Variants in ANKRD40CL observed in about 807,000 individuals in gnomAD.
ANKRD40CL encodes the protein putative ANKRD40 C-terminal-like protein.
For missense variants in ANKRD40CL, 11 were observed against 6.4 expected (o/e 1.71, Z -0.77); for synonymous variants, 5 against 2.3 (o/e 2.14, Z -1.04).
At chr17:50,765,126 T>C (rs1971275193) in intron 2 of ANKRD40CL, 1 of 152,196 alleles carries the variant, frequency 6.6e-6, no homozygotes, top group Admixed American at 6.5e-5. Context: ...TCACATGAGA[T>C]AAGATACACG....
intron 2 of ANKRD40CL, chr17:50,764,143 C>G (rs1971256092): frequency 2.5e-6 from 1 of 398,546 alleles, no homozygotes; most frequent in South Asian, 1.3e-4. Flanking sequence ...GCAACCTGGT[C>G]ACATAGGGGC....
intron 2 of ANKRD40CL, 173 bp from the exon 3 acceptor site, chr17:50,763,730 G>T (rs550732498): frequency 8.6e-5 from 34 of 393,804 alleles, no homozygotes; most frequent in African/African-American, 5.3e-4. Context: ...TTAGCTGAGG[G>T]TTCTTTTCTT....
At position 50,766,921 on chromosome 17, in the gene ANKRD40CL, C is replaced by T; in HGVS notation, c.-8G>A. The T allele has an allele frequency of 1.4e-6, 1 of 698,838 alleles. No homozygotes were observed. Among genetic ancestry groups the T allele is most frequent in the South Asian group, 1.5e-5 (1 of 67,212 alleles). 43.3% of individuals were successfully genotyped at this position (698,838 alleles called of 1,614,324 possible). A position where few individuals can be genotyped will look rare whatever the true frequency, so the allele number is the denominator to read the frequency against. On this transcript the variant is annotated 5_prime_UTR_variant, in exon 2 of 4. Coordinates refer to ENST00000450727, the MANE Select transcript of ANKRD40CL (RefSeq NM_001358683.3). ...CTGTTCCGGTTCAGCCATGAGTCAC[C>T]TCTAGTCCGTCAGATGTGCAGCCCC...
intron 2 of ANKRD40CL, chr17:50,765,055 G>A (rs1971273119): frequency 6.6e-6 from 1 of 152,168 alleles, no homozygotes; most frequent in African/African-American, 2.4e-5. Flanking sequence ...CAGAGAGCAT[G>A]GGGGGACTGA....
intron 2 of ANKRD40CL, among the ~76,000 whole-genome samples, chr17:50,765,857 A>G (rs1315822084): frequency 1.3e-5 from 2 of 152,116 alleles, no homozygotes; most frequent in African/African-American, 2.4e-5. Context: ...TGTGGAGACC[A>G]TATGTATGAG....
chr17:50,763,935 C>A, intron 2 of ANKRD40CL: 1 of 388,426 alleles, frequency 2.6e-6, no homozygotes, highest in Non-Finnish European at 4.5e-6. Flanking sequence ...GCCCTGGGGG[C>A]CCTGGTGTCC....
chr17:50,767,310 A>C, intron 1 of ANKRD40CL, 153 bp downstream of exon 1: 1 of 399,074 alleles, frequency 2.5e-6, no homozygotes, highest in Middle Eastern at 3.6e-4. Context: ...TTCTTGGAAA[A>C]GGTTGGTAGC....
chr17:50,761,561 A>C (rs1409714346), intron 3 of ANKRD40CL, 55 bp from the exon 4 acceptor site: 3 of 395,562 alleles, frequency 7.6e-6, no homozygotes, highest in Non-Finnish European at 1.3e-5. Context: ...GTAATAGAAA[A>C]CCTTAATATT....
rs924339353 is a variant in ANKRD40CL, at chr17:50,763,353, T to A, written c.201+44A>T. The A allele has an allele frequency of 5.0e-6, 2 of 399,088 alleles. 1 individual carries two copies. Among genetic ancestry groups the A allele is most frequent in the South Asian group, 2.5e-4 (2 of 7,862 alleles). 24.7% of individuals were successfully genotyped at this position (399,088 alleles called of 1,614,324 possible). ...AAACGATTGGCTCCAGAGAACATGA[T>A]GTCACCCACTGTGATTCTGCATTTA... On this transcript the variant is annotated intron_variant, in intron 3 of 3. Coordinates refer to ENST00000450727, the MANE Select transcript of ANKRD40CL (RefSeq NM_001358683.3).
chr17:50,762,463 C>T (rs1567888241), intron 3 of ANKRD40CL, among the ~76,000 whole-genome samples: 1 of 152,038 alleles, frequency 6.6e-6, no homozygotes, highest in Admixed American at 6.6e-5. Context: ...GTAGTCCCAA[C>T]TACTCTGGAG....
chr17:50,767,132 G>GT (rs1201176680), intron 1 of ANKRD40CL, 121 bp from the exon 2 acceptor site: 1 of 679,300 alleles, frequency 1.5e-6, no homozygotes, highest in East Asian at 2.8e-5. Context: ...GGTGAGGCCA[G>GT]TGAAGGAAGG....
chr17:50,763,182 C>G (rs1971233538), intron 3 of ANKRD40CL: 1 of 368,272 alleles, frequency 2.7e-6, no homozygotes, highest in Non-Finnish European at 4.8e-6. Flanking sequence ...CTGGTGTGAG[C>G]CACCGTGATC....
chr17:50,761,798 A>G (rs1971206105), intron 3 of ANKRD40CL, among the ~76,000 whole-genome samples: 1 of 151,610 alleles, frequency 6.6e-6, no homozygotes, highest in South Asian at 2.1e-4. Flanking sequence ...TAATTTTTGT[A>G]TTTTTTATAG....
In ANKRD40CL at chr17:50,761,367, T is replaced by TTA. The variant is rs1259806317; in HGVS notation, c.340_341insTA (p.Tyr114LeufsTer17). On this transcript the variant is annotated frameshift_variant, in exon 4 of 4. Transcript: ENST00000450727. LOFTEE classifies it high-confidence loss of function. ...CGCGGCCATTCCTGGGAGTATTTAA[T>TTA]AAGTCATTTTTGCAGCTTTGCTATC... The TTA allele has an allele frequency of 5.0e-6, 2 of 398,548 alleles. No individual in the cohort carries two copies. The highest frequency in any genetic ancestry group is 8.9e-6 in the Non-Finnish European group (2 of 225,868). The allele number at this position is 398,548 out of a possible 1,614,324, so 24.7% of individuals were successfully genotyped here.
chr17:50,762,457 T>A (rs1386588444), intron 3 of ANKRD40CL, among the ~76,000 whole-genome samples: 1 of 152,032 alleles, frequency 6.6e-6, no homozygotes, highest in Non-Finnish European at 1.5e-5. Flanking sequence ...GTCCCTGTAG[T>A]CCCAACTACT....
At chr17:50,765,105 G>A (rs1424054417) in intron 2 of ANKRD40CL, 1 of 152,182 alleles carries the variant, frequency 6.6e-6, no homozygotes, top group Non-Finnish European at 1.5e-5. Context: ...GTCCAATTAT[G>A]TAGCTTCTTG....
At position 50,761,447 on chromosome 17, in the gene ANKRD40CL, A is replaced by T; in HGVS notation, c.261T>A (p.Asn87Lys). 2.5e-6 allele frequency: 1 copy of T among 398,920 alleles called. No individual in the cohort carries two copies. The highest frequency in any genetic ancestry group is 3.6e-5 in the East Asian group (1 of 28,074). 24.7% of individuals were successfully genotyped at this position (398,920 alleles called of 1,614,324 possible). A position where few individuals can be genotyped will look rare whatever the true frequency, so the allele number is the denominator to read the frequency against. ...CATATTCTGTCAATCTGGAGCTTCC[A>T]TTTTTCATTAAAATGAGTTCCACTT... ...FQEVELILMK[N>K]GSSRLTEYVP... Residue 87 changes from asparagine (N) to lysine (K), a missense_variant, in exon 4 of 4, where the codon AAT becomes AAA. Physicochemically the swap from Asn to Lys is moderately conservative, Grantham distance 94 (BLOSUM62 0). Transcript: ENST00000450727.
intron 3 of ANKRD40CL, among the ~76,000 whole-genome samples, chr17:50,762,569 C>A (rs1381123907): frequency 6.6e-6 from 1 of 151,188 alleles, no homozygotes; most frequent in Non-Finnish European, 1.5e-5. Flanking sequence ...GAGACCCTGT[C>A]TCAAAAAAAC....
At chr17:50,762,789 T>C (rs1231123930) in intron 3 of ANKRD40CL, 2 of 152,182 alleles carry the variant, frequency 1.3e-5, no homozygotes. Context: ...TTGTGTTTTT[T>C]TTTTTCCTGA....
Sources: gnomAD v4.1 joint callset for allele counts (sites outside exome capture counted in the v4.1 genomes callset) on GRCh38, gnomAD v4.1.1 for gene constraint, MANE v1.5 for transcripts, NCBI Gene and HGNC (gene_info 2026-07-23, HGNC 2026-07-21) for gene names.